The following PCDHA2 variants were observed in gnomAD, a reference collection of about 807,000 sequenced individuals.
PCDHA2 encodes protocadherin alpha-2.
PCDHA2 carries 58 observed loss-of-function variants against 66.0 expected under a neutral mutation model. The observed-to-expected ratio is 0.88, with a 90% confidence interval of 0.71 to 1.09. The LOEUF is 1.09. PCDHA2 is among the 50% of genes least tolerant of loss of function. The pLI, the probability that PCDHA2 is intolerant of heterozygous loss-of-function variation, is 0.00. For missense variants in PCDHA2, 1,267 were observed against 1,242.3 expected (o/e 1.02, Z -0.30); for synonymous variants, 634 against 554.0 (o/e 1.14, Z -2.03).
intron 1 of PCDHA2, among the ~76,000 whole-genome samples, chr5:140,946,255 A>C (rs1554217419): frequency 6.6e-6 from 1 of 152,084 alleles, no homozygotes; most frequent in Non-Finnish European, 1.5e-5. Context: ...GAATCATCAG[A>C]AAAATGCGAA....
At chr5:140,887,692 A>G (rs886236141) in intron 1 of PCDHA2, among the ~76,000 whole-genome samples, 1 of 152,126 alleles carries the variant, frequency 6.6e-6, no homozygotes, top group Non-Finnish European at 1.5e-5. Flanking sequence ...ATTCAGGAAA[A>G]AATCAACCAT....
intron 1 of PCDHA2, chr5:140,871,406 T>C (rs1406444669): frequency 1.2e-6 from 2 of 1,614,032 alleles, no homozygotes; most frequent in Non-Finnish European, 1.7e-6. Flanking sequence ...AAGACGGACC[T>C]CATGGCCTTC....
At chr5:140,807,749 C>G (rs782346248) in intron 1 of PCDHA2, 1 of 1,614,138 alleles carries the variant, frequency 6.2e-7, no homozygotes, top group South Asian at 1.1e-5. Context: ...TGATGACGAG[C>G]TGGTAAAAGG....
chr5:140,884,240 G>A (rs139927854), intron 1 of PCDHA2: 5 of 1,613,368 alleles, frequency 3.1e-6, no homozygotes, highest in African/African-American at 1.3e-5. Context: ...CGGTGAGCCC[G>A]CGCTGACGGC....
chr5:140,928,450 G>C, intron 1 of PCDHA2: 2 of 1,614,146 alleles, frequency 1.2e-6, no homozygotes, highest in Non-Finnish European at 8.5e-7. Flanking sequence ...GCAGCTCAGG[G>C]GGTTTCATTT....
intron 1 of PCDHA2, chr5:140,857,847 CTG>C: frequency 6.3e-7 from 1 of 1,597,872 alleles, no homozygotes; most frequent in Non-Finnish European, 8.6e-7. Flanking sequence ...GACGCTGACT[CTG>C]GATACAACGC....
At chr5:140,865,143 T>C (rs142181937) in intron 1 of PCDHA2, 3 of 152,352 alleles carry the variant, frequency 2.0e-5, no homozygotes, top group Admixed American at 1.3e-4. Context: ...GAATTTAACA[T>C]TGTATACTTT....
chr5:140,843,381 T>C, intron 1 of PCDHA2: 1 of 1,596,090 alleles, frequency 6.3e-7, no homozygotes. Flanking sequence ...GCTGGCGTTT[T>C]GGGTCCGGAA....
At chr5:140,809,638 T>C in intron 1 of PCDHA2, 2 of 1,504,738 alleles carry the variant, frequency 1.3e-6, no homozygotes, top group Non-Finnish European at 1.8e-6. Context: ...CTTCGTAAAT[T>C]TATTTCTAAG....
At position 140,982,704 on chromosome 5, in the gene PCDHA2, C is replaced by T. The variant is rs1393323812; in HGVS notation, c.2536+141C>T. ...CTTTTTTCCATACATACATGATTTCCTTACATATATGATTATTTTGATTTT... is the reference window on the plus strand; with the variant it reads ...CTTTTTTCCATACATACATGATTTCTTTACATATATGATTATTTTGATTTT... On this transcript the variant is annotated intron_variant, in intron 3 of 3. Coordinates refer to ENST00000526136, the MANE Select transcript of PCDHA2 (RefSeq NM_018905.3). 8 of 1,377,410 alleles carry T rather than the reference C, an allele frequency of 5.8e-6. No homozygotes were observed. In the African/African-American group the frequency reaches 1.2e-4, roughly 20 times the overall value. The allele number at this position is 1,377,410 out of a possible 1,614,324, so 85.3% of individuals were successfully genotyped here. A position where few individuals can be genotyped will look rare whatever the true frequency, so the allele number is the denominator to read the frequency against.
chr5:140,957,438 A>T (rs1554222966), intron 1 of PCDHA2, among the ~76,000 whole-genome samples: 1 of 152,216 alleles, frequency 6.6e-6, no homozygotes, highest in Non-Finnish European at 1.5e-5. Context: ...TGCCTAATTT[A>T]TAAATCACAC....
intron 1 of PCDHA2, among the ~76,000 whole-genome samples, chr5:140,799,863 T>G (rs1214913201): frequency 6.6e-6 from 1 of 152,142 alleles, no homozygotes; most frequent in Non-Finnish European, 1.5e-5. Flanking sequence ...TTCTCTAAAT[T>G]TGACCTCTTT....
chr5:140,840,084 T>A (rs982040414), intron 1 of PCDHA2, among the ~76,000 whole-genome samples: 2 of 151,904 alleles, frequency 1.3e-5, no homozygotes, highest in Non-Finnish European at 2.9e-5. Context: ...AAAGATAAAC[T>A]TGTTGAAGAT....
intron 1 of PCDHA2, among the ~76,000 whole-genome samples, chr5:140,959,265 T>C (rs1341807372): frequency 1.3e-5 from 2 of 152,076 alleles, no homozygotes; most frequent in African/African-American, 2.4e-5. Context: ...TAGTCCCAGC[T>C]ACCCAGGAGC....
At chr5:140,843,577 A>T in intron 1 of PCDHA2, 1 of 1,595,954 alleles carries the variant, frequency 6.3e-7, no homozygotes. Context: ...CATACTCGCA[A>T]CAACAGCCGC....
chr5:140,807,291 T>G (rs1470270680), intron 1 of PCDHA2: 1 of 1,614,080 alleles, frequency 6.2e-7, no homozygotes, highest in Admixed American at 1.7e-5. Context: ...CACTACTCGG[T>G]CTCCGAGGAG....
In PCDHA2 at chr5:141,011,722, G is replaced by T. The variant is rs1229946779; in HGVS notation, c.*1785G>T. On this transcript the variant is annotated 3_prime_UTR_variant, in exon 4 of 4. Transcript: ENST00000526136. Reference sequence around the variant, plus strand: ...TGAATACTGACAATATTCCATGAGGGTGTGCAAGCACAAATTTTACCAATC... The same window carrying T: ...TGAATACTGACAATATTCCATGAGGTTGTGCAAGCACAAATTTTACCAATC... The T allele has an allele frequency of 6.5e-6, 1 of 153,690 alleles. No homozygotes were observed. The highest frequency in any genetic ancestry group is 1.5e-5 in the Non-Finnish European group (1 of 68,018). 9.5% of individuals were successfully genotyped at this position (153,690 alleles called of 1,614,324 possible).
At chr5:140,828,988 G>A (rs2150161679) in intron 1 of PCDHA2, 6 of 1,613,982 alleles carry the variant, frequency 3.7e-6, no homozygotes, top group Non-Finnish European at 5.1e-6. Flanking sequence ...ATCGAAATAC[G>A]GGAGAAATAG....
rs114567887 is a variant in PCDHA2, at chr5:140,974,104, T to G, written c.2389-4845T>G. The stretch of plus-strand genomic sequence containing the variant: ...GACTTCAAAAATCAAAGGTTAAAAG[T>G]ATTCTTTTGCAGTGTTTTAAATCTG... On this transcript the variant is annotated intron_variant, in intron 1 of 3. Coordinates refer to ENST00000526136, the MANE Select transcript of PCDHA2 (RefSeq NM_018905.3). Among the ~76,000 whole-genome samples, 1,327 of 152,364 alleles carry G rather than the reference T, an allele frequency of 8.7e-3. 24 individuals carry two copies. Among genetic ancestry groups the G allele is most frequent in the African/African-American group, 0.03 (1,240 of 41,584 alleles).
Sources: allele counts gnomAD v4.1 joint callset (sites outside exome capture counted in the v4.1 genomes callset), GRCh38; gene constraint gnomAD v4.1.1; transcripts MANE v1.5; gene names NCBI Gene and HGNC (gene_info 2026-07-23, HGNC 2026-07-21).